Variants in AP5Z1 observed in about 807,000 individuals in gnomAD.
AP5Z1 encodes the protein adaptor related protein complex 5 subunit zeta 1, also known as AP-5 complex subunit zeta-1.
Under a neutral mutation model 83.0 loss-of-function variants are expected in AP5Z1, and 106 were observed. The ratio of observed to expected loss-of-function variants is 1.28; its 90% CI spans 1.09 to 1.50. The LOEUF (loss-of-function observed/expected upper bound fraction) is 1.50. Among genes scored for constraint, AP5Z1 ranks in the 40% most tolerant of loss-of-function variants. The pLI is 0.00. For synonymous variants in AP5Z1, 751 were observed against 514.1 expected (o/e 1.46, Z -6.23); for missense variants, 1,565 against 1,094.2 (o/e 1.43, Z -6.07).
At position 4,793,154 on chromosome 7, in the gene AP5Z1, G is replaced by A. The variant is rs1320321652; in HGVS notation, c.*1769G>A. 6.6e-6 allele frequency: 1 copy of A among 152,338 alleles called. No homozygotes were observed. Among genetic ancestry groups the A allele is most frequent in the African/African-American group, 2.4e-5 (1 of 41,474 alleles). The allele number at this position is 152,338 out of a possible 1,614,324, so 9.4% of individuals were successfully genotyped here. ...TCCAAGGGACAAGGAGGAGCTCATG[G>A]CCACAGGGCCTCGGAGGGCATGACC... On this transcript the variant is annotated 3_prime_UTR_variant, in exon 17 of 17. Transcript: ENST00000649063.
At chr7:4,775,782 C>A in intron 1 of AP5Z1, 26 bp downstream of exon 1, 2 of 1,600,156 alleles carry the variant, frequency 1.2e-6, no homozygotes, top group Non-Finnish European at 8.5e-7. Context: ...GGCCCCGGCC[C>A]TCCTTCCTGC....
At position 4,790,025 on chromosome 7, in the gene AP5Z1, C is replaced by T. The variant is rs544009294; in HGVS notation, c.1805+96C>T. 3.1e-5 allele frequency: 33 copies of T among 1,059,616 alleles called. No homozygotes were observed. The Admixed American group carries it at 5.8e-4, about 19-fold the overall frequency. 65.6% of individuals were successfully genotyped at this position (1,059,616 alleles called of 1,614,324 possible). A position where few individuals can be genotyped will look rare whatever the true frequency, so the allele number is the denominator to read the frequency against. ...CCCCTCCCCTTCAGTGGCTTCGGCA[C>T]CACCCCTAGCTGGGCCCTCAGCAGC... On this transcript the variant is annotated intron_variant, in intron 14 of 16. Transcript: ENST00000649063.
chr7:4,782,751 G>C (rs753393305), intron 3 of AP5Z1, among the ~76,000 whole-genome samples: 7 of 151,604 alleles, frequency 4.6e-5, no homozygotes, highest in Non-Finnish European at 1.0e-4. Context: ...GGCTCTTCTT[G>C]TTTGTTTCAC....
Position 4,791,063 on chromosome 7 carries a change from C to T in AP5Z1, c.2154-52C>T, listed in dbSNP as rs76958033. 0.021 allele frequency: 31,624 copies of T among 1,512,650 alleles called. 423 individuals are homozygous for T. Among genetic ancestry groups the T allele is most frequent in the Middle Eastern group, 0.048 (270 of 5,630 alleles). The allele number at this position is 1,512,650 out of a possible 1,614,324, so 93.7% of individuals were successfully genotyped here. A position where few individuals can be genotyped will look rare whatever the true frequency, so the allele number is the denominator to read the frequency against. On this transcript the variant is annotated intron_variant, in intron 16 of 16. Transcript: ENST00000649063. Reference sequence around the variant, plus strand: ...AGGCCTGGCCCCTCCACACAGACCCCTGTCCTGGGAGGGGAGCATCTGCAG... The same window carrying T: ...AGGCCTGGCCCCTCCACACAGACCCTTGTCCTGGGAGGGGAGCATCTGCAG...
chr7:4,788,640 T>G, intron 12 of AP5Z1, 200 bp from the exon 13 acceptor site: 2 of 536,090 alleles, frequency 3.7e-6, no homozygotes, highest in African/African-American at 1.9e-5. Flanking sequence ...ACGCCAGCCT[T>G]TGTCCCGATG....
chr7:4,789,921 T>C lies in AP5Z1; in HGVS notation c.1797T>C (p.Gly599=). 1.3e-6 allele frequency: 2 copies of C among 1,544,556 alleles called. No homozygotes were observed. The highest frequency in any genetic ancestry group is 8.7e-7 in the Non-Finnish European group (1 of 1,143,792). The part of the protein sequence containing the change: ...SLYPAPGYAA[G]VHSVLSSQFL... ...ACCCGGCCCCAGGGTACGCTGCCGG[T>C]GTGCACAGGTAGGTCCCTCCTGCGC... is the stretch of plus-strand genomic sequence containing the variant. Residue 599 remains glycine, a synonymous_variant, in exon 14 of 17, where the codon GGT becomes GGC. Transcript: ENST00000649063.
rs886062350 is a variant in AP5Z1 at position 4,783,762 on chromosome 7, C to G, written c.585C>G (p.His195Gln). The G allele has an allele frequency of 1.3e-6, 2 of 1,550,606 alleles. No homozygotes were observed. The highest frequency in any genetic ancestry group is 4.9e-5 in the East Asian group (2 of 40,924). Residue 195 changes from histidine (H) to glutamine (Q), a missense_variant, in exon 5 of 17, where the codon CAC becomes CAG. Physicochemically the swap from His to Gln is conservative, Grantham distance 24 (BLOSUM62 0). Transcript: ENST00000649063. ...RYASLQQGLP[H>Q]SGGFFSTPRA... ...CCAGCCTCCAGCAAGGGCTCCCACA[C>G]TCCGGCGGCTTCTTCTCCACGCCCA...
intron 1 of AP5Z1, among the ~76,000 whole-genome samples, chr7:4,780,653 C>G (rs1781356594): frequency 6.6e-6 from 1 of 152,092 alleles, no homozygotes; most frequent in Non-Finnish European, 1.5e-5. Flanking sequence ...GTAATCCCAT[C>G]TACTCGGAAG....
At chr7:4,775,818 T>G (rs1583222252) in intron 1 of AP5Z1, 62 bp downstream of exon 1, 1 of 1,579,468 alleles carries the variant, frequency 6.3e-7, no homozygotes, top group Non-Finnish European at 8.5e-7. Flanking sequence ...CACACGGGGG[T>G]GGGTCTCACA....
At chr7:4,788,708 A>G in intron 12 of AP5Z1, 132 bp from the exon 13 acceptor site, 1 of 753,692 alleles carries the variant, frequency 1.3e-6, no homozygotes. Flanking sequence ...GGGGAGCAGG[A>G]GGTCCCGAGA....
chr7:4,791,280 G>C lies in AP5Z1; in HGVS notation c.2319G>C (p.Glu773Asp), dbSNP rs749022290. 8.1e-6 allele frequency: 13 copies of C among 1,612,662 alleles called. No individual in the cohort carries two copies. Among genetic ancestry groups the C allele is most frequent in the Non-Finnish European group, 1.1e-5 (13 of 1,179,858 alleles). Residue 773 changes from glutamate (E) to aspartate (D), a missense_variant, in exon 17 of 17, where the codon GAG becomes GAC. Physicochemically the swap from Glu to Asp is conservative, Grantham distance 45. Coordinates refer to ENST00000649063, the MANE Select transcript of AP5Z1 (RefSeq NM_014855.3). ...AGTTTGTGCTCACACCCAGCACGGA[G>C]GTGTGCAGCCCCCGCTATCACCGCG... ...VAQFVLTPST[E>D]VCSPRYHRDA...
At chr7:4,789,749 C>A in intron 13 of AP5Z1, 83 bp from the exon 14 acceptor site, 2 of 1,076,024 alleles carry the variant, frequency 1.9e-6, no homozygotes, top group Non-Finnish European at 2.7e-6. Flanking sequence ...ACCTGCCCCC[C>A]AGCCCTCACC....
At chr7:4,777,040 G>A (rs543286236) in intron 1 of AP5Z1, among the ~76,000 whole-genome samples, 1 of 152,114 alleles carries the variant, frequency 6.6e-6, no homozygotes, top group African/African-American at 2.4e-5. Context: ...TCTAAAGCCC[G>A]AACAGGACAA....
Position 4,791,463 on chromosome 7 carries a change from G to T in AP5Z1, c.*78G>T. On this transcript the variant is annotated 3_prime_UTR_variant, in exon 17 of 17. Coordinates refer to ENST00000649063, the MANE Select transcript of AP5Z1 (RefSeq NM_014855.3). ...TGCTACTGAGGCCAGGCTGATAGGA[G>T]CTCAGGAGGGCGCGGGAGTCCTGGG... 6.7e-7 allele frequency: 1 copy of T among 1,491,116 alleles called. No individual in the cohort carries two copies. Among genetic ancestry groups the T allele is most frequent in the Non-Finnish European group, 9.0e-7 (1 of 1,114,154 alleles). The allele number at this position is 1,491,116 out of a possible 1,614,324, so 92.4% of individuals were successfully genotyped here.
rs1041590547 is a variant in AP5Z1, at chr7:4,791,951, C to G, written c.*566C>G. On this transcript the variant is annotated 3_prime_UTR_variant, in exon 17 of 17. Transcript: ENST00000649063. ...CGAGTTCCCGGGTGTGGTCACCGCTCTGGGTGGTGCGCTTGTCAATGCCCC... is the reference window on the plus strand; with the variant it reads ...CGAGTTCCCGGGTGTGGTCACCGCTGTGGGTGGTGCGCTTGTCAATGCCCC... The G allele has an allele frequency of 6.5e-6, 1 of 153,384 alleles. No homozygotes were observed. The highest frequency in any genetic ancestry group is 2.4e-5 in the African/African-American group (1 of 41,454). The allele number at this position is 153,384 out of a possible 1,614,324, so 9.5% of individuals were successfully genotyped here.
In AP5Z1 at chr7:4,791,343, C is replaced by T; in HGVS notation, c.2382C>T (p.Val794=). ...CCCTGCCCCTGGCCCTGCGCACGGTCAGCCGGCTGGTGGAGAGGGAGGCCG... is the reference window on the plus strand; with the variant it reads ...CCCTGCCCCTGGCCCTGCGCACGGTTAGCCGGCTGGTGGAGAGGGAGGCCG... ...NTALPLALRT[V]SRLVEREAGL... The change falls in exon 17 of 17, where the codon GTC becomes GTT. Residue 794 remains valine, a synonymous_variant. Transcript: ENST00000649063. The T allele has an allele frequency of 1.2e-6, 2 of 1,609,394 alleles. No homozygotes were observed. The highest frequency in any genetic ancestry group is 1.7e-6 in the Non-Finnish European group (2 of 1,178,506).
At position 4,790,772 on chromosome 7, in the gene AP5Z1, G is replaced by C; in HGVS notation, c.2038G>C (p.Glu680Gln). Residue 680 changes from glutamate (E) to glutamine (Q), a missense_variant, in exon 16 of 17, where the codon GAG (glutamate) becomes CAG (glutamine). Physicochemically the swap from Glu to Gln is conservative, Grantham distance 29 (BLOSUM62 2). Coordinates refer to ENST00000649063, the MANE Select transcript of AP5Z1 (RefSeq NM_014855.3). ...FFEALEALLF[E>Q]VTQCRPSAAL... The stretch of plus-strand genomic sequence containing the variant: ...CGAAGCCCTGGAGGCTCTGCTATTC[G>C]AGGTCACCCAGTGCCGCCCCTCTGC... 7 of 1,608,778 alleles carry C rather than the reference G, an allele frequency of 4.4e-6. No homozygotes were observed. The highest frequency in any genetic ancestry group is 5.9e-6 in the Non-Finnish European group (7 of 1,178,670).
At chr7:4,779,703 T>C (rs999138931) in intron 1 of AP5Z1, among the ~76,000 whole-genome samples, 3 of 151,988 alleles carry the variant, frequency 2.0e-5, no homozygotes, top group Non-Finnish European at 2.9e-5. Flanking sequence ...TGCAATGGCA[T>C]GATCTCAGCT....
At chr7:4,790,133 C>A in intron 14 of AP5Z1, 1 of 1,450,700 alleles carries the variant, frequency 6.9e-7, no homozygotes, top group Non-Finnish European at 9.1e-7. Context: ...TCCCGTCCTT[C>A]TTTCTGCCGA....
Sources: gnomAD v4.1 joint callset for allele counts (sites outside exome capture counted in the v4.1 genomes callset) on GRCh38, gnomAD v4.1.1 for gene constraint, MANE v1.5 for transcripts, NCBI Gene and HGNC (gene_info 2026-07-23, HGNC 2026-07-21) for gene names.